Variants in DYNC1I2 observed in about 807,000 individuals in gnomAD.
DYNC1I2 encodes the protein cytoplasmic dynein 1 intermediate chain 2.
In DYNC1I2, 53 loss-of-function variants were observed where a neutral mutation model predicts 88.6. The ratio of observed to expected loss-of-function variants is 0.60; its 90% confidence interval spans 0.48 to 0.75. DYNC1I2 has a LOEUF of 0.75. Ranked by LOEUF, DYNC1I2 falls within the 30% of genes least tolerant of loss-of-function variation. DYNC1I2 has a pLI of 0.00. For synonymous variants in DYNC1I2, 198 were observed against 254.6 expected, an observed-to-expected ratio of 0.78 and a Z score of 2.12; for missense variants, 458 against 766.6, an observed-to-expected ratio of 0.60 and a Z score of 4.75.
chr2:171,725,524 A>T, intron 7 of DYNC1I2, 94 bp from the exon 8 acceptor site: 1 of 782,240 alleles, frequency 1.3e-6, no homozygotes, highest in Non-Finnish European at 2.0e-6. Context: ...CTTCTGAAAT[A>T]CTGTCTCAAA....
chr2:171,694,476 G>A (rs1192641932), intron 3 of DYNC1I2, among the ~76,000 whole-genome samples: 1 of 151,926 alleles, frequency 6.6e-6, no homozygotes, highest in Admixed American at 6.6e-5. Context: ...TGACCAACAC[G>A]GAGAAACCCC....
intron 3 of DYNC1I2, among the ~76,000 whole-genome samples, chr2:171,693,352 G>T (rs1452740678): frequency 6.6e-6 from 1 of 152,180 alleles, no homozygotes; most frequent in Non-Finnish European, 1.5e-5. Flanking sequence ...TGCTGTTAAT[G>T]CTAATAAGGG....
rs1169597346 is a variant in DYNC1I2, at chr2:171,728,627, G to T, written c.1258-90G>T. ...ATTTAGATTTATGTAAATAATAAAA[G>T]AATTGTTTACAATCAAAGACTAGAA... On this transcript the variant is annotated intron_variant, in intron 13 of 17. Transcript: ENST00000397119. 13 of 1,142,456 alleles carry T rather than the reference G, an allele frequency of 1.1e-5. No homozygotes were observed. In the African/African-American group the frequency reaches 1.6e-4, roughly 14 times the overall value. The allele number at this position is 1,142,456 out of a possible 1,614,324, so 70.8% of individuals were successfully genotyped here. A position where few individuals can be genotyped will look rare whatever the true frequency, so the allele number is the denominator to read the frequency against.
At chr2:171,693,157 A>G (rs897063607) in intron 3 of DYNC1I2, 13 of 386,744 alleles carry the variant, frequency 3.4e-5, no homozygotes, top group Non-Finnish European at 6.2e-5. Flanking sequence ...TATTTCAACA[A>G]ACATTGGTTA....
At chr2:171,719,878 C>T (rs1048900481) in intron 7 of DYNC1I2, among the ~76,000 whole-genome samples, 2 of 152,164 alleles carry the variant, frequency 1.3e-5, no homozygotes, top group Admixed American at 1.3e-4. Context: ...TGACTTCAGT[C>T]GATTTTCTTC....
intron 15 of DYNC1I2, among the ~76,000 whole-genome samples, chr2:171,734,628 A>G (rs1165670060): frequency 2.0e-5 from 3 of 152,200 alleles, no homozygotes; most frequent in Non-Finnish European, 4.4e-5. Flanking sequence ...ATAAATGCCT[A>G]AGGACCCTCT....
intron 15 of DYNC1I2, 35 bp downstream of exon 15, chr2:171,729,888 G>GT: frequency 6.2e-7 from 1 of 1,610,462 alleles, no homozygotes; most frequent in Non-Finnish European, 8.5e-7. Flanking sequence ...ATTTGCTCAG[G>GT]TTTCTGACAC....
At chr2:171,727,551 GA>G (rs1232649103) in intron 11 of DYNC1I2, among the ~76,000 whole-genome samples, 2 of 152,212 alleles carry the variant, frequency 1.3e-5, no homozygotes, top group East Asian at 3.9e-4. Context: ...GTAGTTAACT[GA>G]AATAACTTTT....
chr2:171,704,059 C>T (rs1255127731), intron 3 of DYNC1I2, among the ~76,000 whole-genome samples: 4 of 152,176 alleles, frequency 2.6e-5, no homozygotes, highest in Admixed American at 2.6e-4. Flanking sequence ...ATGTGCCATC[C>T]TTTGCCCTTG....
chr2:171,745,653 TGAA>T (rs1170782733), intron 16 of DYNC1I2, 146 bp from the exon 17 acceptor site: 6 of 807,800 alleles, frequency 7.4e-6, no homozygotes, highest in South Asian at 2.0e-5. Context: ...AATATATCAC[TGAA>T]GAAGAAGAAA....
chr2:171,748,364 T>C lies in DYNC1I2; in HGVS notation c.*475T>C, dbSNP rs1042329261. The C allele has an allele frequency of 9.2e-5, 14 of 152,464 alleles. 2 individuals carry two copies. Among genetic ancestry groups the C allele is most frequent in the African/African-American group, 3.4e-4 (14 of 41,560 alleles). 9.4% of individuals were successfully genotyped at this position (152,464 alleles called of 1,614,324 possible). A position where few individuals can be genotyped will look rare whatever the true frequency, so the allele number is the denominator to read the frequency against. On this transcript the variant is annotated 3_prime_UTR_variant, in exon 18 of 18. Transcript: ENST00000397119. ...TCATTCTGACATCCTTTGTTGTCTT[T>C]ATAATTCATGTGGTAGTTACCTATA...
rs762185265 is a variant in DYNC1I2, at chr2:171,738,197, T to C, written c.1537-5852T>C. ...AAATACAAAAATTAGCTGGGCATGGTGGCACACACCTGTAATCCCAGCTAC... is the reference window on the plus strand; with the variant it reads ...AAATACAAAAATTAGCTGGGCATGGCGGCACACACCTGTAATCCCAGCTAC... On this transcript the variant is annotated intron_variant, in intron 15 of 17. Transcript: ENST00000397119. Among the ~76,000 whole-genome samples, 87 of 151,402 alleles carry C rather than the reference T, an allele frequency of 5.7e-4. 1 individual carries two copies. Among genetic ancestry groups the C allele is most frequent in the Non-Finnish European group, 1.3e-4 (9 of 67,770 alleles).
chr2:171,745,221 G>A (rs1486410992), intron 16 of DYNC1I2, among the ~76,000 whole-genome samples: 1 of 152,174 alleles, frequency 6.6e-6, no homozygotes. Context: ...AAGAGGCACA[G>A]TCAGATTCCA....
chr2:171,736,200 T>C (rs1050443439), intron 15 of DYNC1I2, among the ~76,000 whole-genome samples: 1 of 152,182 alleles, frequency 6.6e-6, no homozygotes, highest in African/African-American at 2.4e-5. Context: ...GGCTGCCTAT[T>C]CATCTGGACC....
chr2:171,699,888 G>A (rs1686111762), intron 3 of DYNC1I2, among the ~76,000 whole-genome samples: 1 of 151,864 alleles, frequency 6.6e-6, no homozygotes. Context: ...TGATCCTCCC[G>A]CCTTGGCCTC....
At chr2:171,707,031 T>A in intron 4 of DYNC1I2, 1 of 573,886 alleles carries the variant, frequency 1.7e-6, no homozygotes, top group South Asian at 2.2e-5. Flanking sequence ...TCCATAATCT[T>A]GCCTTTTTAA....
At chr2:171,735,067 T>C (rs1317417430) in intron 15 of DYNC1I2, among the ~76,000 whole-genome samples, 2 of 152,242 alleles carry the variant, frequency 1.3e-5, no homozygotes, top group Non-Finnish European at 2.9e-5. Context: ...CCTCATAAAT[T>C]GGAAGACTGA....
chr2:171,698,826 G>A (rs1000198203), intron 3 of DYNC1I2, among the ~76,000 whole-genome samples: 3 of 152,010 alleles, frequency 2.0e-5, no homozygotes, highest in Non-Finnish European at 4.4e-5. Context: ...CCGAGATGGC[G>A]CCACTGCACT....
chr2:171,725,349 G>T (rs1314941984), intron 7 of DYNC1I2, among the ~76,000 whole-genome samples: 2 of 152,112 alleles, frequency 1.3e-5, no homozygotes, highest in Non-Finnish European at 1.5e-5. Context: ...AGTTTATGTA[G>T]CTACAGAATT....
Sources: allele counts gnomAD v4.1 joint callset (sites outside exome capture counted in the v4.1 genomes callset), GRCh38; gene constraint gnomAD v4.1.1; transcripts MANE v1.5; gene names NCBI Gene and HGNC (gene_info 2026-07-23, HGNC 2026-07-21).